The following F13A1 variants were observed in gnomAD, a reference collection of about 807,000 sequenced individuals.
The protein encoded by F13A1 is coagulation factor XIII A chain.
In F13A1, 47 loss-of-function variants were observed where a neutral mutation model predicts 80.1. The observed-to-expected ratio is 0.59, with a 90% CI of 0.46 to 0.75. The LOEUF is 0.75. Among genes scored for constraint, F13A1 ranks in the 30% least tolerant of loss-of-function variants. The pLI, the probability that F13A1 is intolerant of heterozygous loss-of-function variation, is 0.00. For synonymous variants in F13A1, 349 were observed against 344.9 expected, an observed-to-expected ratio of 1.01 and a Z score of -0.13; for missense variants, 817 against 930.4, an observed-to-expected ratio of 0.88 and a Z score of 1.59.
chr6:6,275,197 G>A (rs185548186), intron 3 of F13A1, among the ~76,000 whole-genome samples: 8 of 152,146 alleles, frequency 5.3e-5, no homozygotes, highest in South Asian at 4.2e-4. Context: ...ACTGACTCTC[G>A]GGGGAAGGTA....
At chr6:6,316,129 A>G (rs1286633405) in intron 2 of F13A1, among the ~76,000 whole-genome samples, 1 of 62,796 alleles carries the variant, frequency 1.6e-5, no homozygotes, top group South Asian at 5.1e-4. Flanking sequence ...ATATATATAT[A>G]TATATATATA....
intron 4 of F13A1, among the ~76,000 whole-genome samples, chr6:6,261,363 T>C (rs145590594): frequency 0.018 from 2,737 of 152,332 alleles, 86 homozygotes; most frequent in African/African-American, 0.063. Flanking sequence ...CAAGCAATCC[T>C]CCTGCCTCAG....
At chr6:6,269,016 C>A (rs1029692413) in intron 3 of F13A1, among the ~76,000 whole-genome samples, 6 of 151,432 alleles carry the variant, frequency 4.0e-5, no homozygotes, top group Non-Finnish European at 8.8e-5. Flanking sequence ...TTAAGTATAA[C>A]TTCTACTAGA....
intron 11 of F13A1, among the ~76,000 whole-genome samples, chr6:6,181,272 C>A (rs1025523709): frequency 6.6e-6 from 1 of 152,224 alleles, no homozygotes; most frequent in African/African-American, 2.4e-5. Context: ...AAAGACCCCT[C>A]TGCACAATAA....
intron 6 of F13A1, among the ~76,000 whole-genome samples, chr6:6,228,665 C>T (rs1757309810): frequency 7.3e-6 from 1 of 136,366 alleles, no homozygotes; most frequent in African/African-American, 2.9e-5. Flanking sequence ...ACCGGGGAGG[C>T]AGAGGTTGCA....
chr6:6,217,160 C>T (rs1757105120), intron 8 of F13A1, among the ~76,000 whole-genome samples: 1 of 150,776 alleles, frequency 6.6e-6, no homozygotes, highest in South Asian at 2.1e-4. Context: ...CCATTTGACC[C>T]AGCCATCCCA....
intron 3 of F13A1, among the ~76,000 whole-genome samples, chr6:6,295,676 T>C (rs1291118704): frequency 7.2e-4 from 101 of 140,346 alleles, no homozygotes; most frequent in African/African-American, 8.8e-4. Flanking sequence ...TTGCAAAAAT[T>C]TTCTCCCATT....
chr6:6,309,447 G>T (rs560521264), intron 2 of F13A1, among the ~76,000 whole-genome samples: 1 of 152,274 alleles, frequency 6.6e-6, no homozygotes, highest in Admixed American at 6.5e-5. Context: ...AAGGGGGGTG[G>T]AGAGGAATGC....
intron 14 of F13A1, among the ~76,000 whole-genome samples, chr6:6,147,058 A>C (rs1428386549): frequency 6.6e-6 from 1 of 152,254 alleles, no homozygotes; most frequent in Non-Finnish European, 1.5e-5. Flanking sequence ...TCAGGAATGG[A>C]AAACCAAACA....
chr6:6,186,158 C>G (rs958149734), intron 10 of F13A1, among the ~76,000 whole-genome samples: 1 of 150,766 alleles, frequency 6.6e-6, no homozygotes, highest in African/African-American at 2.4e-5. Context: ...AAAATTTTCT[C>G]CCATTCTGTA....
chr6:6,197,784 C>G (rs1761317525), intron 8 of F13A1, among the ~76,000 whole-genome samples: 1 of 152,120 alleles, frequency 6.6e-6, no homozygotes, highest in Non-Finnish European at 1.5e-5. Flanking sequence ...GGGCTCTAGA[C>G]TTGGGTTTTC....
chr6:6,172,277 T>G (rs1760789702), intron 12 of F13A1, among the ~76,000 whole-genome samples: 2 of 90,592 alleles, frequency 2.2e-5, no homozygotes, highest in South Asian at 9.3e-4. Flanking sequence ...TCCAGAATTG[T>G]CTATTTGCAA....
chr6:6,265,891 C>T (rs1757836620), intron 4 of F13A1, among the ~76,000 whole-genome samples: 1 of 152,140 alleles, frequency 6.6e-6, no homozygotes, highest in Admixed American at 6.5e-5. Context: ...AATTTGTTTA[C>T]AGAGTAATAG....
rs1171789686 is a variant in F13A1, at chr6:6,174,567, A to G, written c.1747+13T>C. The G allele has an allele frequency of 4.3e-6, 7 of 1,613,950 alleles. No individual in the cohort carries two copies. The Admixed American group carries it at 6.7e-5, about 15-fold the overall frequency. On this transcript the variant is annotated intron_variant, in intron 12 of 14. Transcript: ENST00000264870. ...AGCGAGTCTCAGAAAGAACCACACC[A>G]TTGTTAGCTTACAGGACAAGGGCTC... is the stretch of plus-strand genomic sequence containing the variant.
intron 6 of F13A1, among the ~76,000 whole-genome samples, chr6:6,235,393 G>A (rs116541265): frequency 0.033 from 5,047 of 151,854 alleles, 288 homozygotes; most frequent in African/African-American, 0.12. Context: ...TGATTAAAAA[G>A]AAAAAACTTG....
At chr6:6,220,059 A>G (rs1321369854) in intron 8 of F13A1, among the ~76,000 whole-genome samples, 1 of 152,240 alleles carries the variant, frequency 6.6e-6, no homozygotes, top group Non-Finnish European at 1.5e-5. Context: ...GCAGTAGCAG[A>G]GCCAAGTCTT....
intron 14 of F13A1, among the ~76,000 whole-genome samples, chr6:6,150,632 C>T (rs1242823583): frequency 2.6e-5 from 4 of 152,146 alleles, no homozygotes; most frequent in Admixed American, 6.5e-5. Flanking sequence ...TAAAGGGTGT[C>T]GGGAAAATTC....
chr6:6,254,567 G>GGT (rs1757679458), intron 4 of F13A1, among the ~76,000 whole-genome samples: 1 of 152,008 alleles, frequency 6.6e-6, no homozygotes, highest in East Asian at 1.9e-4. Flanking sequence ...AAATTCTCTA[G>GGT]GTATATATAT....
chr6:6,188,045 T>C (rs1761112846), intron 10 of F13A1, among the ~76,000 whole-genome samples: 1 of 151,984 alleles, frequency 6.6e-6, no homozygotes, highest in African/African-American at 2.4e-5. Flanking sequence ...TGGTACTTTG[T>C]ATTTCTGTGG....
Sources: gnomAD v4.1 joint callset for allele counts (sites outside exome capture counted in the v4.1 genomes callset) on GRCh38, gnomAD v4.1.1 for gene constraint, MANE v1.5 for transcripts, NCBI Gene and HGNC (gene_info 2026-07-23, HGNC 2026-07-21) for gene names.